The following ABCA13 variants were observed in gnomAD, a reference collection of about 807,000 sequenced individuals.
ABCA13 encodes ATP-binding cassette sub-family A member 13.
A neutral mutation model predicts 478.7 loss-of-function variants in ABCA13; 476 were observed. The observed-to-expected ratio is 0.99, with a 90% CI of 0.92 to 1.07. The LOEUF (loss-of-function observed/expected upper bound fraction) is 1.07. Among genes scored for constraint, ABCA13 ranks in the 50% least tolerant of loss-of-function variants. The pLI, the probability that ABCA13 is intolerant of heterozygous loss-of-function variation, is 0.00. For missense variants in ABCA13, 6,060 were observed against 5,910.6 expected (o/e 1.03, Z -0.83); for synonymous variants, 2,252 against 2,158.9 (o/e 1.04, Z -1.20).
intron 35 of ABCA13, among the ~76,000 whole-genome samples, chr7:48,385,162 G>A (rs1236792819): frequency 6.6e-6 from 1 of 152,112 alleles, no homozygotes; most frequent in Admixed American, 6.5e-5. Flanking sequence ...ACTTTTAAGT[G>A]CAGGGGTACA....
chr7:48,518,012 T>C (rs2130955954), intron 52 of ABCA13, among the ~76,000 whole-genome samples: 1 of 152,358 alleles, frequency 6.6e-6, no homozygotes, highest in South Asian at 2.1e-4. Flanking sequence ...TTTTTATTAC[T>C]GTGCTTCATA....
At chr7:48,580,046 A>G (rs1788562102) in intron 55 of ABCA13, among the ~76,000 whole-genome samples, 178 bp from the exon 56 acceptor site, 1 of 152,162 alleles carries the variant, frequency 6.6e-6, no homozygotes, top group Non-Finnish European at 1.5e-5. Context: ...AAAGAGGCCT[A>G]TTTTGGGGTG....
intron 7 of ABCA13, 69 bp from the exon 8 acceptor site, chr7:48,233,949 T>C: frequency 6.4e-7 from 1 of 1,556,198 alleles, no homozygotes; most frequent in South Asian, 1.2e-5. Context: ...GTATTTTTTT[T>C]CTGGATTACA....
At chr7:48,298,527 A>G (rs1365099518) in intron 23 of ABCA13, 40 bp downstream of exon 23, 1 of 1,597,040 alleles carries the variant, frequency 6.3e-7, no homozygotes. Context: ...TGCTCATGGA[A>G]GGAGCCTTAG....
At chr7:48,609,776 G>A (rs187969859) in intron 58 of ABCA13, among the ~76,000 whole-genome samples, 12 of 152,288 alleles carry the variant, frequency 7.9e-5, no homozygotes, top group Admixed American at 7.8e-4. Context: ...GCCAGAGAAG[G>A]AGAAAGAGTG....
chr7:48,410,374 C>G (rs1194750599), intron 39 of ABCA13, 146 bp from the exon 40 acceptor site: 1 of 957,176 alleles, frequency 1.0e-6, no homozygotes, highest in Non-Finnish European at 1.6e-6. Context: ...GGCAAAGTGG[C>G]CAGGACGCAT....
intron 50 of ABCA13, 51 bp from the exon 51 acceptor site, chr7:48,511,033 A>G: frequency 1.4e-6 from 2 of 1,397,026 alleles, no homozygotes; most frequent in Admixed American, 3.4e-5. Flanking sequence ...ATGATAATAA[A>G]TATGACCATC....
At chr7:48,316,026 T>TA (rs963917630) in intron 26 of ABCA13, among the ~76,000 whole-genome samples, 5 of 152,220 alleles carry the variant, frequency 3.3e-5, no homozygotes, top group Non-Finnish European at 5.9e-5. Flanking sequence ...AAGAAATAGT[T>TA]ATACTGAAGT....
intron 43 of ABCA13, among the ~76,000 whole-genome samples, chr7:48,456,873 A>C (rs1825733840): frequency 6.6e-6 from 1 of 152,040 alleles, no homozygotes; most frequent in South Asian, 2.1e-4. Context: ...TTAGGTGACT[A>C]TCTACTTATT....
chr7:48,228,310 C>T (rs539553832), intron 6 of ABCA13, among the ~76,000 whole-genome samples: 3 of 152,244 alleles, frequency 2.0e-5, no homozygotes, highest in East Asian at 1.9e-4. Context: ...GATGTGTCCA[C>T]GGAGCCCACA....
chr7:48,565,647 C>CAAAACA (rs1056437005), intron 55 of ABCA13, among the ~76,000 whole-genome samples: 3 of 151,946 alleles, frequency 2.0e-5, no homozygotes, highest in African/African-American at 4.8e-5. Flanking sequence ...CAAAACAAAA[C>CAAAACA]AAAACAAAAA....
intron 44 of ABCA13, among the ~76,000 whole-genome samples, chr7:48,470,067 T>C (rs923363261): frequency 6.6e-6 from 1 of 152,242 alleles, no homozygotes; most frequent in African/African-American, 2.4e-5. Flanking sequence ...TAGGCCACTT[T>C]AGGGAAATGC....
intron 48 of ABCA13, among the ~76,000 whole-genome samples, chr7:48,495,389 C>T (rs967063169): frequency 3.3e-5 from 5 of 152,014 alleles, no homozygotes; most frequent in Non-Finnish European, 4.4e-5. Context: ...TGGTTCATCA[C>T]GGTCAGTGAC....
Position 48,279,448 on chromosome 7 carries a change from A to G in ABCA13, c.8254A>G (p.Lys2752Glu), listed in dbSNP as rs764500188. The G allele has an allele frequency of 6.8e-6, 11 of 1,608,266 alleles. No individual in the cohort carries two copies. In the Admixed American group the frequency reaches 1.4e-4, roughly 20 times the overall value. The part of the protein sequence containing the change: ...TLEALWKNLK[K>E]DNWNVSNVLM... ...AGAAGCTCTTTGGAAAAACTTAAAG[A>G]AAGATAATTGGAATGTTTCTAATGT... Residue 2752 changes from lysine to glutamate, a missense_variant, in exon 18 of 62, where the codon AAA becomes GAA. This residue lies in a region of ABCA13 where 4,423 missense variants were observed against 4,309.1 expected (regional missense o/e 1.03). Transcript: ENST00000435803.
At chr7:48,375,303 A>T (rs188911260) in intron 34 of ABCA13, among the ~76,000 whole-genome samples, 1 of 152,134 alleles carries the variant, frequency 6.6e-6, no homozygotes, top group Non-Finnish European at 1.5e-5. Flanking sequence ...TTGACCTGGG[A>T]TCTGTCTTCC....
intron 44 of ABCA13, among the ~76,000 whole-genome samples, chr7:48,470,539 A>T (rs1827371653): frequency 1.3e-5 from 2 of 152,208 alleles, no homozygotes; most frequent in African/African-American, 4.8e-5. Context: ...GTAAACTCTT[A>T]AGTTTCAAAC....
At chr7:48,424,299 C>T (rs543785053) in intron 41 of ABCA13, among the ~76,000 whole-genome samples, 5 of 152,230 alleles carry the variant, frequency 3.3e-5, no homozygotes, top group South Asian at 2.1e-4. Flanking sequence ...AGAGAGTTTA[C>T]GTTTCTTTAT....
chr7:48,412,648 A>C (rs1465629656), intron 41 of ABCA13, 65 bp downstream of exon 41: 12 of 1,276,270 alleles, frequency 9.4e-6, no homozygotes, highest in Non-Finnish European at 1.3e-5. Flanking sequence ...CATTAAATGA[A>C]GAGATGTGGG....
chr7:48,253,396 A>G (rs560980866), intron 15 of ABCA13, among the ~76,000 whole-genome samples: 2 of 152,328 alleles, frequency 1.3e-5, no homozygotes, highest in Admixed American at 6.5e-5. Flanking sequence ...ATTGATACAC[A>G]TCTTCCTGAC....
Sources: allele counts gnomAD v4.1 joint callset (sites outside exome capture counted in the v4.1 genomes callset), GRCh38; gene constraint gnomAD v4.1.1; regional missense constraint gnomAD v4.1.1; transcripts MANE v1.5; gene names NCBI Gene and HGNC (gene_info 2026-07-23, HGNC 2026-07-21).